The following FAM200B variants were observed in gnomAD, a reference collection of about 807,000 sequenced individuals.
FAM200B encodes the protein protein FAM200B.
FAM200B carries 32 observed loss-of-function variants against 33.1 expected under a neutral mutation model. The observed-to-expected ratio is 0.97, with a 90% confidence interval of 0.73 to 1.30. The LOEUF is 1.30. Among genes scored for constraint, FAM200B ranks in the 50% most tolerant of loss-of-function variants. The pLI, the probability that FAM200B is intolerant of heterozygous loss-of-function variation, is 0.00. For missense variants in FAM200B, 741 were observed against 754.0 expected (o/e 0.98, Z 0.20); for synonymous variants, 240 against 264.8 (o/e 0.91, Z 0.91).
In FAM200B at chr4:15,688,294, T is replaced by C; in HGVS notation, c.1317T>C (p.Leu439=). The C allele has an allele frequency of 6.5e-7, 1 of 1,549,072 alleles. No individual in the cohort carries two copies. The highest frequency in any genetic ancestry group is 8.7e-7 in the Non-Finnish European group (1 of 1,144,738). The change falls in exon 2 of 2, where the codon CTT becomes CTC. Residue 439 remains leucine (L), a synonymous_variant. Transcript: ENST00000422728. ...LAYLTDIFSI[L]NELSLKLQGK... is the part of the protein sequence containing the mutation. The stretch of plus-strand genomic sequence containing the variant: ...ATTTAACTGATATTTTTAGCATTCT[T>C]AATGAACTGAGTTTAAAACTACAGG...
chr4:15,685,656 AT>A (rs1718764465), intron 1 of FAM200B, among the ~76,000 whole-genome samples: 1 of 152,232 alleles, frequency 6.6e-6, no homozygotes, highest in Non-Finnish European at 1.5e-5. Flanking sequence ...ATGATTAACA[AT>A]ACAAAAATAA....
chr4:15,651,470 A>C, the FAM200B span, among the ~76,000 whole-genome samples: 1 of 152,168 alleles, frequency 6.6e-6, no homozygotes, highest in Non-Finnish European at 1.5e-5. Context: ...ATGTAGTAAG[A>C]ACTCATTAAA....
the FAM200B span, among the ~76,000 whole-genome samples, chr4:15,661,171 T>A: frequency 6.6e-6 from 1 of 152,220 alleles, no homozygotes; most frequent in Admixed American, 6.5e-5. Context: ...TTCCCTAAAA[T>A]GTCTCTACCA....
At chr4:15,665,714 G>A in the FAM200B span, among the ~76,000 whole-genome samples, 1 of 152,098 alleles carries the variant, frequency 6.6e-6, no homozygotes, top group South Asian at 2.1e-4. Context: ...ACGTTTATCT[G>A]AGAAAAGAAA....
At chr4:15,650,781 C>T in the FAM200B span, among the ~76,000 whole-genome samples, 2 of 150,888 alleles carry the variant, frequency 1.3e-5, no homozygotes, top group African/African-American at 4.9e-5. Flanking sequence ...TACAGGACCC[C>T]GCCACCATGC....
chr4:15,658,670 G>A, the FAM200B span, among the ~76,000 whole-genome samples: 1 of 152,236 alleles, frequency 6.6e-6, no homozygotes, highest in Admixed American at 6.5e-5. Context: ...AGACTTCTCA[G>A]CCCCACACTG....
At chr4:15,682,194 T>C (rs1353260445) in intron 1 of FAM200B, among the ~76,000 whole-genome samples, 4 of 152,182 alleles carry the variant, frequency 2.6e-5, no homozygotes, top group Non-Finnish European at 4.4e-5. Context: ...TACCTGGCAG[T>C]TTCCACTCTT....
At chr4:15,684,057 G>A (rs1230633683) in intron 1 of FAM200B, among the ~76,000 whole-genome samples, 1 of 152,168 alleles carries the variant, frequency 6.6e-6, no homozygotes, top group Non-Finnish European at 1.5e-5. Context: ...ATTCTTAAGG[G>A]AGGCTAAGTA....
the FAM200B span, among the ~76,000 whole-genome samples, chr4:15,664,877 C>A: frequency 6.6e-6 from 1 of 151,922 alleles, no homozygotes; most frequent in East Asian, 1.9e-4. Flanking sequence ...TTTATATAAC[C>A]CTTATTTCTG....
chr4:15,679,600 C>G (rs1718131375), upstream of FAM200B, among the ~76,000 whole-genome samples: 2 of 151,280 alleles, frequency 1.3e-5, no homozygotes. Flanking sequence ...AAACCAACAC[C>G]CAATGGTCCC....
the FAM200B span, chr4:15,638,504 T>C: frequency 6.4e-6 from 10 of 1,572,198 alleles, no homozygotes; most frequent in East Asian, 2.2e-4. Context: ...TATATGAATC[T>C]CACCTTTATC....
At chr4:15,680,915 A>G (rs1043414956), upstream of FAM200B, among the ~76,000 whole-genome samples, 1 of 148,750 alleles carries the variant, frequency 6.7e-6, no homozygotes, top group African/African-American at 2.4e-5. Context: ...TATATTATAT[A>G]TATAAGAATA....
At chr4:15,644,435 T>C in the FAM200B span, 12 of 1,390,878 alleles carry the variant, frequency 8.6e-6, no homozygotes, top group African/African-American at 1.6e-5. Flanking sequence ...GTTTTGCCAA[T>C]GATATACCAG....
the FAM200B span, among the ~76,000 whole-genome samples, chr4:15,648,308 T>C: frequency 1.3e-5 from 2 of 152,220 alleles, no homozygotes; most frequent in Non-Finnish European, 2.9e-5. Context: ...ACAGCCATTA[T>C]GGAAAACAGT....
Position 15,687,386 on chromosome 4 carries a change from AGTT to A in FAM200B, c.413_415del (p.Cys138del), listed in dbSNP as rs571894354. The A allele has an allele frequency of 5.2e-6, 8 of 1,547,004 alleles. No homozygotes were observed. In the South Asian group the frequency reaches 6.0e-5, roughly 12 times the overall value. On this transcript the variant is annotated inframe_deletion, in exon 2 of 2. Coordinates refer to ENST00000422728, the MANE Select transcript of FAM200B (RefSeq NM_001145191.2). Reference sequence around the variant, plus strand: ...CATAAAGTTATCAACACAATTTCTTAGTTGTTCTACTGCTGTTAGTGAGAAAGC... The same window carrying A: ...CATAAAGTTATCAACACAATTTCTTAGTTCTACTGCTGTTAGTGAGAAAGC...
chr4:15,651,411 T>C, the FAM200B span, among the ~76,000 whole-genome samples: 2,469 of 152,326 alleles, frequency 0.016, 69 homozygotes, highest in African/African-American at 0.056. Context: ...AAATGAAGGA[T>C]AATATTTGGC....
the FAM200B span, chr4:15,655,236 T>A: frequency 6.9e-7 from 1 of 1,439,756 alleles, no homozygotes; most frequent in Non-Finnish European, 9.3e-7. Flanking sequence ...AGCTGCTTCA[T>A]CCGCCAGTGT....
the FAM200B span, among the ~76,000 whole-genome samples, chr4:15,640,267 C>T: frequency 6.6e-6 from 1 of 151,502 alleles, no homozygotes; most frequent in Non-Finnish European, 1.5e-5. Flanking sequence ...GTCTTGAACT[C>T]GTGAGTTCAA....
upstream of FAM200B, among the ~76,000 whole-genome samples, chr4:15,680,354 T>A (rs1448981834): frequency 6.6e-6 from 1 of 152,192 alleles, no homozygotes; most frequent in Non-Finnish European, 1.5e-5. Flanking sequence ...AAATATTTGC[T>A]AATCAAAAAA....
Sources: gnomAD v4.1 joint callset for allele counts (sites outside exome capture counted in the v4.1 genomes callset) on GRCh38, gnomAD v4.1.1 for gene constraint, MANE v1.5 for transcripts, NCBI Gene and HGNC (gene_info 2026-07-23, HGNC 2026-07-21) for gene names.